The following PHF20 variants were observed in gnomAD, a reference collection of about 807,000 sequenced individuals.
PHF20 encodes the protein glioma-expressed antigen 2.
PHF20 carries 23 observed loss-of-function variants against 113.5 expected under a neutral mutation model. The observed-to-expected ratio is 0.20, with a 90% CI of 0.15 to 0.29. The LOEUF is 0.29. Among genes scored for constraint, PHF20 ranks in the 10% least tolerant of loss-of-function variants. PHF20 has a pLI of 1.00. For synonymous variants in PHF20, 434 were observed against 457.3 expected, an observed-to-expected ratio of 0.95 and a Z score of 0.65; for missense variants, 943 against 1,219.6, an observed-to-expected ratio of 0.77 and a Z score of 3.38.
At chr20:35,933,215 T>G (rs2147117759) in intron 15 of PHF20, among the ~76,000 whole-genome samples, 1 of 151,466 alleles carries the variant, frequency 6.6e-6, no homozygotes, top group African/African-American at 2.4e-5. Flanking sequence ...GCTCCTGGGC[T>G]CAAGCAACTC....
Position 35,891,795 on chromosome 20 carries a change from C to T in PHF20, c.1283-7575C>T, listed in dbSNP as rs527635320. On this transcript the variant is annotated intron_variant, in intron 9 of 17. Transcript: ENST00000374012. ...AATAGTCCAATTTGCAAAACCTTCACGAGAAAGGGACGATTGCTTAAGTCT... is the reference window on the plus strand; with the variant it reads ...AATAGTCCAATTTGCAAAACCTTCATGAGAAAGGGACGATTGCTTAAGTCT... 2.0e-5 allele frequency among the ~76,000 whole-genome samples: 3 copies of T among 152,138 alleles called. No individual in the cohort carries two copies. In the East Asian group the frequency reaches 5.8e-4, roughly 29 times the overall value.
intron 1 of PHF20, among the ~76,000 whole-genome samples, chr20:35,773,875 G>A (rs1006343418): frequency 6.6e-6 from 1 of 152,102 alleles, no homozygotes; most frequent in Non-Finnish European, 1.5e-5. Flanking sequence ...TTATCTCCTT[G>A]TGCTGGAAAA....
intron 9 of PHF20, among the ~76,000 whole-genome samples, chr20:35,890,054 C>A (rs2054820161): frequency 6.6e-6 from 1 of 150,794 alleles, no homozygotes; most frequent in Admixed American, 6.6e-5. Context: ...TGAGACAGTT[C>A]TGTCTCACTG....
In PHF20 at chr20:35,927,839, G is replaced by A. The variant is rs1271801153; in HGVS notation, c.2064G>A (p.Val688=). 1 of 1,613,900 alleles carries A rather than the reference G, an allele frequency of 6.2e-7. No individual in the cohort carries two copies. Among genetic ancestry groups the A allele is most frequent in the Non-Finnish European group, 8.5e-7 (1 of 1,179,886 alleles). ...GCATGGGATTACTGGAAGAAAATGT[G>A]CCCGAGAAATACACCTGTTATGTTT... ...GVCMGLLEEN[V]PEKYTCYVCQ... The change falls in exon 14 of 18, where the codon GTG becomes GTA. Residue 688 remains valine (V), a synonymous_variant. Transcript: ENST00000374012.
intron 9 of PHF20, among the ~76,000 whole-genome samples, chr20:35,891,934 A>G (rs1449297532): frequency 6.6e-6 from 1 of 151,936 alleles, no homozygotes. Context: ...GCAGTGGGCA[A>G]TCTTGGCTCA....
At chr20:35,904,929 G>T (rs1313298589) in intron 10 of PHF20, among the ~76,000 whole-genome samples, 1 of 151,684 alleles carries the variant, frequency 6.6e-6, no homozygotes, top group Non-Finnish European at 1.5e-5. Flanking sequence ...GGATTCAAAT[G>T]ATTCTCCTGC....
At chr20:35,791,559 A>G (rs1024822527) in intron 1 of PHF20, among the ~76,000 whole-genome samples, 2 of 146,828 alleles carry the variant, frequency 1.4e-5, no homozygotes, top group Non-Finnish European at 3.0e-5. Flanking sequence ...ATATATATAT[A>G]TATCTTAGAA....
chr20:35,919,124 C>G (rs902091733), intron 13 of PHF20, among the ~76,000 whole-genome samples: 1 of 151,386 alleles, frequency 6.6e-6, no homozygotes, highest in African/African-American at 2.4e-5. Context: ...TCAAGCGATT[C>G]GCCTGCCTCC....
intron 1 of PHF20, among the ~76,000 whole-genome samples, chr20:35,788,523 A>G (rs899329605): frequency 2.0e-5 from 3 of 151,920 alleles, no homozygotes; most frequent in Admixed American, 2.0e-4. Context: ...GGTGTGAGCA[A>G]TTGCACCTGG....
At chr20:35,907,884 G>T (rs1333870485) in intron 10 of PHF20, among the ~76,000 whole-genome samples, 2 of 152,154 alleles carry the variant, frequency 1.3e-5, no homozygotes, top group Non-Finnish European at 2.9e-5. Flanking sequence ...TGTGTCAGAG[G>T]GGTGTTGAAG....
At chr20:35,931,549 C>T (rs2055753617) in intron 15 of PHF20, 105 bp downstream of exon 15, 1 of 840,450 alleles carries the variant, frequency 1.2e-6, no homozygotes, top group Non-Finnish European at 1.8e-6. Flanking sequence ...AATCATAAAA[C>T]TGAGTTTGAG....
rs376477234 is a variant in PHF20 at position 35,864,407 on chromosome 20, AACACAC to A, written c.808+1047_808+1052del. Among the ~76,000 whole-genome samples the A allele has an allele frequency of 6.3e-3, 838 of 132,520 alleles. 7 individuals are homozygous for A. The highest frequency in any genetic ancestry group is 0.017 in the African/African-American group (585 of 35,058). 86.9% of individuals were successfully genotyped at this position (132,520 alleles called of 152,430 possible). ...ACAATGTAGTGACACCCCATCTCAA[AACACAC>A]ACACACACACACACACACACACACA... On this transcript the variant is annotated intron_variant, in intron 6 of 17. Transcript: ENST00000374012.
At position 35,773,558 on chromosome 20, in the gene PHF20, C is replaced by G. The variant is rs1355059112; in HGVS notation, c.-33+1479C>G. Among the ~76,000 whole-genome samples, 3 of 152,186 alleles carry G rather than the reference C, an allele frequency of 2.0e-5. No individual in the cohort carries two copies. In the East Asian group the frequency reaches 5.8e-4, roughly 29 times the overall value. On this transcript the variant is annotated intron_variant, in intron 1 of 17. Transcript: ENST00000374012. Reference sequence around the variant, plus strand: ...GATTCCTCTCCTAAAGGGCTACCAGCACATTGTTTTTGATAGGCCTATCTT... The same window carrying G: ...GATTCCTCTCCTAAAGGGCTACCAGGACATTGTTTTTGATAGGCCTATCTT...
rs1199730809 is a variant in PHF20 at position 35,933,657 on chromosome 20, A to G, written c.2300+2213A>G. On this transcript the variant is annotated intron_variant, in intron 15 of 17. Transcript: ENST00000374012. The stretch of plus-strand genomic sequence containing the variant: ...TGCGATCCACCTGCCTCAGCCTCCC[A>G]AAGTGCTGAGATTACAGGCATGAGC... Among the ~76,000 whole-genome samples the G allele has an allele frequency of 2.0e-5, 3 of 152,064 alleles. No homozygotes were observed. In the East Asian group the frequency reaches 5.8e-4, roughly 29 times the overall value.
At chr20:35,917,437 A>T in intron 12 of PHF20, 47 bp from the exon 13 acceptor site, 1 of 1,504,568 alleles carries the variant, frequency 6.6e-7, no homozygotes, top group Non-Finnish European at 9.2e-7. Context: ...AAGGTTTTTT[A>T]ATTTTATAAC....
At chr20:35,873,105 A>ATTT (rs113938713) in intron 9 of PHF20, among the ~76,000 whole-genome samples, 52 of 144,768 alleles carry the variant, frequency 3.6e-4, no homozygotes, top group African/African-American at 1.1e-3. Context: ...CACATTTATA[A>ATTT]TTTTTTTTTT....
chr20:35,865,371 C>T (rs1441810318), intron 6 of PHF20, among the ~76,000 whole-genome samples: 4 of 151,190 alleles, frequency 2.6e-5, no homozygotes, highest in Non-Finnish European at 4.4e-5. Context: ...AGTGGTGGCA[C>T]GTGCTTGTAG....
Position 35,871,787 on chromosome 20 carries a change from A to ACTT in PHF20, c.1243_1245dup (p.Ser415dup), listed in dbSNP as rs749144684. 1 of 1,612,632 alleles carries ACTT rather than the reference A, an allele frequency of 6.2e-7. No homozygotes were observed. The highest frequency in any genetic ancestry group is 2.2e-5 in the East Asian group (1 of 44,858). ...AGAAAACACGATGAAAACAGAACCG[A>ACTT]CTTCTCCCCTTGTGGAATTACAAGA... On this transcript the variant is annotated inframe_insertion, in exon 9 of 18. Coordinates refer to ENST00000374012, the MANE Select transcript of PHF20 (RefSeq NM_016436.5).
rs527673897 is a variant in PHF20, at chr20:35,892,111, A to G, written c.1283-7259A>G. 4.0e-5 allele frequency among the ~76,000 whole-genome samples: 6 copies of G among 150,198 alleles called. No homozygotes were observed. The East Asian group carries it at 7.8e-4, about 20-fold the overall frequency. On this transcript the variant is annotated intron_variant, in intron 9 of 17. Transcript: ENST00000374012. ...CTCGTTCTTTCGCCCAGTTTCAAGT[A>G]CAGTGGCGTGATATTGGTTCACTGC...
Sources: allele counts gnomAD v4.1 joint callset (sites outside exome capture counted in the v4.1 genomes callset), GRCh38; gene constraint gnomAD v4.1.1; transcripts MANE v1.5; gene names NCBI Gene and HGNC (gene_info 2026-07-23, HGNC 2026-07-21).